The following CPM variants were observed in gnomAD, a reference collection of about 807,000 sequenced individuals.
The protein encoded by CPM is renal carboxypeptidase.
CPM carries 35 observed loss-of-function variants against 46.4 expected under a neutral mutation model. The observed-to-expected ratio is 0.75, with a 90% CI of 0.58 to 1.00. The LOEUF is 1.00. CPM is among the 50% of genes least tolerant of loss of function. The probability of loss-of-function intolerance (pLI) is 0.00; values close to 1 mark genes in which losing one functional copy is unlikely to be tolerated. For missense variants in CPM, 422 were observed against 530.4 expected (o/e 0.80, Z 2.01); for synonymous variants, 195 against 195.3 (o/e 1.00, Z 0.01).
intron 2 of CPM, among the ~76,000 whole-genome samples, chr12:68,896,471 T>C (rs1017770799): frequency 1.3e-5 from 2 of 152,194 alleles, no homozygotes; most frequent in Non-Finnish European, 2.9e-5. Context: ...GCTGAGTGAA[T>C]GGATGATTGG....
intron 1 of CPM, among the ~76,000 whole-genome samples, chr12:68,942,405 A>C (rs1313668991): frequency 6.6e-6 from 1 of 152,238 alleles, no homozygotes; most frequent in Non-Finnish European, 1.5e-5. Flanking sequence ...CATAATCAAA[A>C]AGCGTACCAT....
At chr12:68,943,378 A>G (rs1333150950) in intron 1 of CPM, among the ~76,000 whole-genome samples, 1 of 152,230 alleles carries the variant, frequency 6.6e-6, no homozygotes, top group Non-Finnish European at 1.5e-5. Context: ...ATAAGTCCCA[A>G]GCTGAATTCA....
chr12:68,962,933 C>G (rs964217584), intron 1 of CPM, among the ~76,000 whole-genome samples: 7 of 152,190 alleles, frequency 4.6e-5, no homozygotes, highest in African/African-American at 1.7e-4. Context: ...CCTTTCTGGA[C>G]CAAACCAATG....
intron 2 of CPM, among the ~76,000 whole-genome samples, chr12:68,894,901 T>TG (rs1886804846): frequency 6.6e-6 from 1 of 151,756 alleles, no homozygotes; most frequent in African/African-American, 2.4e-5. Context: ...GGCATGGTGG[T>TG]GCGTGTAATC....
chr12:68,934,363 T>A (rs1888628928), upstream of CPM, among the ~76,000 whole-genome samples: 1 of 152,172 alleles, frequency 6.6e-6, no homozygotes, highest in Non-Finnish European at 1.5e-5. Context: ...TAATGTGCCT[T>A]CAAGAGCTGA....
chr12:68,962,200 A>AC (rs1471626762), intron 1 of CPM, among the ~76,000 whole-genome samples: 2 of 32,626 alleles, frequency 6.1e-5, no homozygotes, highest in Non-Finnish European at 1.7e-4. Flanking sequence ...ACTCCATCTC[A>AC]AAAAAAAAAA....
rs555472175 is a variant in CPM, at chr12:68,886,686, TG to T, written c.161-798del. On this transcript the variant is annotated intron_variant, in intron 2 of 8. Coordinates refer to ENST00000551568, the MANE Select transcript of CPM (RefSeq NM_198320.5). ...AAAAAGAGTAACTCAGAAGGGAGAT[TG>T]TTTTTAAAGCAGGAGATCCTGAATT... Among the ~76,000 whole-genome samples, 684 of 152,234 alleles carry T rather than the reference TG, an allele frequency of 4.5e-3. 11 individuals carry two copies. The highest frequency in any genetic ancestry group is 0.016 in the African/African-American group (650 of 41,548).
At chr12:68,935,302 C>T (rs527997274), upstream of CPM, among the ~76,000 whole-genome samples, 2 of 151,562 alleles carry the variant, frequency 1.3e-5, no homozygotes, top group South Asian at 2.1e-4. Flanking sequence ...ACTCTGTTGC[C>T]CAGGCTTGAG....
At chr12:68,912,015 T>G (rs1179560446) in intron 2 of CPM, 1 of 152,188 alleles carries the variant, frequency 6.6e-6, no homozygotes, top group East Asian at 1.9e-4. Flanking sequence ...ATTATTATTA[T>G]TATTATTTTG....
intron 2 of CPM, among the ~76,000 whole-genome samples, chr12:68,929,087 C>A (rs747954123): frequency 4.6e-5 from 7 of 151,888 alleles, no homozygotes; most frequent in African/African-American, 1.2e-4. Context: ...CAGAGCAGTT[C>A]TTTCATTGCT....
chr12:68,932,095 C>T (rs1483858295), intron 2 of CPM, among the ~76,000 whole-genome samples: 1 of 151,984 alleles, frequency 6.6e-6, no homozygotes, highest in Non-Finnish European at 1.5e-5. Flanking sequence ...CACTTTTTTG[C>T]ATAACTTTAA....
At chr12:68,945,846 C>CTTTTTTTTTTTTTTT (rs1170064808) in intron 1 of CPM, among the ~76,000 whole-genome samples, 11 of 88,462 alleles carry the variant, frequency 1.2e-4, no homozygotes, top group East Asian at 3.6e-4. Context: ...TTCTTTCTTT[C>CTTTTTTTTTTTTTTT]TTTTTTTTTT....
At chr12:68,962,011 T>C (rs186602334) in intron 1 of CPM, among the ~76,000 whole-genome samples, 197 of 151,986 alleles carry the variant, frequency 1.3e-3, no homozygotes, top group East Asian at 0.01. Flanking sequence ...CCATCCTGGC[T>C]AACGCGGTGA....
downstream of CPM, chr12:68,848,801 C>G (rs1884503916): frequency 6.6e-6 from 1 of 152,070 alleles, no homozygotes; most frequent in African/African-American, 2.4e-5. Flanking sequence ...CAACCTCTGC[C>G]TCCTGGGTTC....
At chr12:68,901,188 G>A (rs760256213) in intron 2 of CPM, among the ~76,000 whole-genome samples, 5 of 152,144 alleles carry the variant, frequency 3.3e-5, no homozygotes, top group Non-Finnish European at 7.3e-5. Context: ...AGTAGGTACA[G>A]CAAATTTGCT....
chr12:68,872,057 T>C, intron 3 of CPM, 101 bp from the exon 4 acceptor site: 1 of 1,173,552 alleles, frequency 8.5e-7, no homozygotes, highest in East Asian at 2.4e-5. Context: ...CTACACATGA[T>C]ATCTCAGACC....
At chr12:68,949,465 A>C (rs1263541594) in intron 1 of CPM, among the ~76,000 whole-genome samples, 1 of 152,210 alleles carries the variant, frequency 6.6e-6, no homozygotes, top group Non-Finnish European at 1.5e-5. Flanking sequence ...TTTGGTGTTT[A>C]AAGTTGTAAT....
intron 2 of CPM, among the ~76,000 whole-genome samples, chr12:68,894,724 C>T (rs1325578021): frequency 6.6e-6 from 1 of 152,072 alleles, no homozygotes; most frequent in Non-Finnish European, 1.5e-5. Context: ...AAGCATTCTG[C>T]CTTGAAGTTA....
chr12:68,892,331 G>A lies in CPM; in HGVS notation c.161-6442C>T, dbSNP rs139334129. Reference sequence around the variant, plus strand: ...TGGGGAGAACTGGAAATGGAAGGAGGGAGTCGAGGGGCACAATGAGGATGG... The same window carrying A: ...TGGGGAGAACTGGAAATGGAAGGAGAGAGTCGAGGGGCACAATGAGGATGG... On this transcript the variant is annotated intron_variant, in intron 2 of 8. Transcript: ENST00000551568. Among the ~76,000 whole-genome samples, 1,043 of 152,248 alleles carry A rather than the reference G, an allele frequency of 6.9e-3. 18 individuals are homozygous for A. The highest frequency in any genetic ancestry group is 0.024 in the African/African-American group (994 of 41,536).
Sources: gnomAD v4.1 joint callset for allele counts (sites outside exome capture counted in the v4.1 genomes callset) on GRCh38, gnomAD v4.1.1 for gene constraint, MANE v1.5 for transcripts, NCBI Gene and HGNC (gene_info 2026-07-23, HGNC 2026-07-21) for gene names.